Variants in UNC5C observed in about 807,000 individuals in gnomAD.
UNC5C encodes netrin receptor UNC5C.
Under a neutral mutation model 99.8 loss-of-function variants are expected in UNC5C, and 47 were observed. The observed-to-expected ratio is 0.47, with a 90% CI of 0.37 to 0.60. The LOEUF (loss-of-function observed/expected upper bound fraction) is 0.60. UNC5C is among the 20% of genes least tolerant of loss of function. The pLI, the probability that UNC5C is intolerant of heterozygous loss-of-function variation, is 0.00. For missense variants in UNC5C, 1,062 were observed against 1,165.9 expected (o/e 0.91, Z 1.30); for synonymous variants, 487 against 452.2 (o/e 1.08, Z -0.98).
rs73839941 is a variant in UNC5C, at chr4:95,242,628, G to C, written c.944-35C>G. 7.9e-4 allele frequency: 1,199 copies of C among 1,511,102 alleles called. 8 individuals carry two copies. Among genetic ancestry groups the C allele is most frequent in the African/African-American group, 7.8e-3 (564 of 71,856 alleles). The allele number at this position is 1,511,102 out of a possible 1,614,324, so 93.6% of individuals were successfully genotyped here. A position where few individuals can be genotyped will look rare whatever the true frequency, so the allele number is the denominator to read the frequency against. On this transcript the variant is annotated intron_variant, in intron 6 of 15. Transcript: ENST00000453304. ...AAAAAATGCAGCAGGAGGTCAGAGG[G>C]AGAGGCAGCTGCTTAAGGGATGGAG...
intron 5 of UNC5C, among the ~76,000 whole-genome samples, chr4:95,250,210 A>G (rs1030097275): frequency 6.6e-6 from 1 of 152,072 alleles, no homozygotes; most frequent in Non-Finnish European, 1.5e-5. Flanking sequence ...GCAAGCAGCG[A>G]TGGAGATTGA....
At chr4:95,352,309 G>C (rs117713693) in intron 1 of UNC5C, among the ~76,000 whole-genome samples, 1 of 151,996 alleles carries the variant, frequency 6.6e-6, no homozygotes, top group African/African-American at 2.4e-5. Context: ...TCCACCCTAG[G>C]GTATTCACAC....
chr4:95,173,672 T>A (rs1736218029), intron 14 of UNC5C, among the ~76,000 whole-genome samples: 1 of 151,484 alleles, frequency 6.6e-6, no homozygotes, highest in African/African-American at 2.4e-5. Flanking sequence ...TTTGCATCAA[T>A]GTTCATCAAG....
intron 1 of UNC5C, among the ~76,000 whole-genome samples, chr4:95,432,593 G>C (rs530839076): frequency 1.3e-5 from 2 of 152,038 alleles, no homozygotes; most frequent in Non-Finnish European, 2.9e-5. Flanking sequence ...TGGAAAAGCA[G>C]AATTCACAGT....
chr4:95,309,311 C>T (rs10029550), intron 2 of UNC5C, among the ~76,000 whole-genome samples: 19,983 of 151,706 alleles, frequency 0.13, 1,495 homozygotes, highest in African/African-American at 0.19. Flanking sequence ...AAATATAAAC[C>T]CTGAAACTGT....
At chr4:95,324,853 C>T (rs1057412898) in intron 2 of UNC5C, among the ~76,000 whole-genome samples, 1 of 152,160 alleles carries the variant, frequency 6.6e-6, no homozygotes, top group African/African-American at 2.4e-5. Context: ...TTCCCAGCCT[C>T]CAAATCTCTG....
Position 95,411,663 on chromosome 4 carries a change from C to G in UNC5C, c.125-76032G>C, listed in dbSNP as rs939595036. ...TTGCATTTCACTGGAGGAAATTAGG[C>G]AGATTAGAAATTCATAAATTGGATC... is the stretch of plus-strand genomic sequence containing the variant. On this transcript the variant is annotated intron_variant, in intron 1 of 15. Coordinates refer to ENST00000453304, the MANE Select transcript of UNC5C (RefSeq NM_003728.4). Among the ~76,000 whole-genome samples, 3 of 152,168 alleles carry G rather than the reference C, an allele frequency of 2.0e-5. No homozygotes were observed. In the East Asian group the frequency reaches 5.8e-4, roughly 29 times the overall value.
chr4:95,326,728 T>C (rs760175116), intron 2 of UNC5C, among the ~76,000 whole-genome samples: 21 of 152,310 alleles, frequency 1.4e-4, no homozygotes, highest in Admixed American at 7.8e-4. Context: ...ATAGATATAC[T>C]CAGTGAGTAG....
intron 4 of UNC5C, among the ~76,000 whole-genome samples, chr4:95,262,372 C>T (rs2031057926): frequency 6.6e-6 from 1 of 152,138 alleles, no homozygotes; most frequent in Non-Finnish European, 1.5e-5. Context: ...CAACATAAGT[C>T]CACGTATTTC....
At chr4:95,478,591 G>A (rs1721032832) in intron 1 of UNC5C, among the ~76,000 whole-genome samples, 1 of 151,968 alleles carries the variant, frequency 6.6e-6, no homozygotes, top group Admixed American at 6.6e-5. Context: ...ACACTGATGT[G>A]TATGTATCCC....
intron 1 of UNC5C, among the ~76,000 whole-genome samples, chr4:95,521,217 C>CTTTTTTTT (rs201147890): frequency 2.2e-5 from 1 of 45,132 alleles, no homozygotes; most frequent in Non-Finnish European, 4.6e-5. Flanking sequence ...TTTCTTTTTT[C>CTTTTTTTT]TTTTTTCTTT....
At position 95,182,782 on chromosome 4, in the gene UNC5C, A is replaced by G. The variant is rs942094553; in HGVS notation, c.2451+115T>C. ...TTCTATTAACAAATAGGATCTATAG[A>G]AAGCTTTTGAGGACTTCCCATATGG... On this transcript the variant is annotated intron_variant, in intron 14 of 15. Coordinates refer to ENST00000453304, the MANE Select transcript of UNC5C (RefSeq NM_003728.4). The G allele has an allele frequency of 2.8e-5, 32 of 1,140,994 alleles. No individual in the cohort carries two copies. The African/African-American group carries it at 4.7e-4, about 17-fold the overall frequency. 70.7% of individuals were successfully genotyped at this position (1,140,994 alleles called of 1,614,324 possible).
chr4:95,211,705 C>T (rs1254207617), intron 10 of UNC5C, among the ~76,000 whole-genome samples: 9 of 152,200 alleles, frequency 5.9e-5, no homozygotes, highest in Non-Finnish European at 1.0e-4. Flanking sequence ...ATTTTATATT[C>T]TAACCGCTCG....
chr4:95,545,772 G>GCACACACACACACA (rs3975180), intron 1 of UNC5C, among the ~76,000 whole-genome samples: 20 of 148,402 alleles, frequency 1.3e-4, no homozygotes, highest in African/African-American at 4.7e-4. Context: ...GCGCGCGCGC[G>GCACACACACACACA]CACACACACA....
At chr4:95,320,422 C>CAAAAA (rs34842898) in intron 2 of UNC5C, among the ~76,000 whole-genome samples, 13 of 94,726 alleles carry the variant, frequency 1.4e-4, no homozygotes, top group South Asian at 4.2e-4. Flanking sequence ...AATTCCATCT[C>CAAAAA]AAAAAAAAAA....
intron 1 of UNC5C, among the ~76,000 whole-genome samples, chr4:95,369,238 GT>G (rs2149438011): frequency 6.6e-6 from 1 of 151,998 alleles, no homozygotes; most frequent in South Asian, 2.1e-4. Flanking sequence ...CTTTAATTCG[GT>G]TTTCATAAAA....
chr4:95,235,080 T>C (rs1739059812), intron 7 of UNC5C, among the ~76,000 whole-genome samples: 1 of 152,188 alleles, frequency 6.6e-6, no homozygotes, highest in Non-Finnish European at 1.5e-5. Context: ...CTATAAGTCT[T>C]GCACCCTAGG....
At chr4:95,377,275 C>A (rs1579369244) in intron 1 of UNC5C, among the ~76,000 whole-genome samples, 2 of 152,102 alleles carry the variant, frequency 1.3e-5, no homozygotes, top group Non-Finnish European at 2.9e-5. Context: ...AAAGAGCTGT[C>A]CAACTGTTCA....
chr4:95,355,426 C>T (rs1356381204), intron 1 of UNC5C, among the ~76,000 whole-genome samples: 1 of 152,090 alleles, frequency 6.6e-6, no homozygotes, highest in Non-Finnish European at 1.5e-5. Flanking sequence ...TCTTTTCTCT[C>T]CTGTGCCTGG....
Sources: allele counts gnomAD v4.1 joint callset (sites outside exome capture counted in the v4.1 genomes callset), GRCh38; gene constraint gnomAD v4.1.1; transcripts MANE v1.5; gene names NCBI Gene and HGNC (gene_info 2026-07-23, HGNC 2026-07-21).